Variants in MCM10 observed in about 807,000 individuals in gnomAD.
MCM10 encodes minichromosome maintenance 10 replication initiation factor.
In MCM10, 91 loss-of-function variants were observed where a neutral mutation model predicts 109.9. The observed-to-expected ratio is 0.83, with a 90% CI of 0.70 to 0.99. The LOEUF (loss-of-function observed/expected upper bound fraction) is 0.99. Ranked by LOEUF, MCM10 falls within the 50% of genes least tolerant of loss-of-function variation. The pLI, the probability that MCM10 is intolerant of heterozygous loss-of-function variation, is 0.00. For synonymous variants in MCM10, 380 were observed against 387.2 expected (o/e 0.98, Z 0.22); for missense variants, 1,077 against 1,061.2 (o/e 1.01, Z -0.21).
In MCM10 at chr10:13,171,148, T is replaced by C. The variant is rs1383926292; in HGVS notation, c.234T>C (p.Phe78=). Residue 78 remains phenylalanine, a synonymous_variant, in exon 3 of 20, where the codon TTT becomes TTC. Coordinates refer to ENST00000378714, the MANE Select transcript of MCM10 (RefSeq NM_018518.5). ...RDEKENLATL[F]GDMEDLTDEE... is the part of the protein sequence containing the mutation. ...AAAAGGAAAATCTGGCCACTCTCTT[T>C]GGAGATATGGAGGACTTAACAGATG... The C allele has an allele frequency of 6.2e-7, 1 of 1,614,202 alleles. No individual in the cohort carries two copies.
chr10:13,183,227 C>T (rs1417183632), intron 8 of MCM10, 127 bp downstream of exon 8: 8 of 1,021,272 alleles, frequency 7.8e-6, no homozygotes, highest in East Asian at 2.5e-5. Flanking sequence ...GAGGCCAAAG[C>T]GGGAGGATCA....
chr10:13,170,901 C>G, intron 2 of MCM10, 21 bp from the exon 3 acceptor site: 1 of 1,599,536 alleles, frequency 6.3e-7, no homozygotes, highest in Non-Finnish European at 8.6e-7. Context: ...ATTCTCTGTC[C>G]TTTCTCTTCT....
chr10:13,201,425 A>G lies in MCM10; in HGVS notation c.2243A>G (p.Glu748Gly). Residue 748 changes from glutamate (E) to glycine (G), a missense_variant, in exon 17 of 20, where the codon GAG (glutamate) becomes GGG (glycine). Coordinates refer to ENST00000378714, the MANE Select transcript of MCM10 (RefSeq NM_018518.5). ...SKHTGILKEA[E>G]AEMQERYFEP... is the part of the protein sequence containing the mutation. Reference sequence around the variant, plus strand: ...CATTATGCCCTGTCATTCCAGGCCGAGGCTGAGATGCAGGAGCGCTACTTT... The same window carrying G: ...CATTATGCCCTGTCATTCCAGGCCGGGGCTGAGATGCAGGAGCGCTACTTT... 1 of 1,610,220 alleles carries G rather than the reference A, an allele frequency of 6.2e-7. No individual in the cohort carries two copies. The highest frequency in any genetic ancestry group is 8.5e-7 in the Non-Finnish European group (1 of 1,177,472).
chr10:13,187,139 C>A (rs1450501122), intron 9 of MCM10, among the ~76,000 whole-genome samples: 2 of 152,218 alleles, frequency 1.3e-5, no homozygotes, highest in Non-Finnish European at 2.9e-5. Context: ...ACTCCCCAGT[C>A]TCCTCTCCCC....
rs1202012933 is a variant in MCM10, at chr10:13,209,138, G to A, written c.2541+5G>A. On this transcript the variant is annotated splice_donor_5th_base_variant and intron_variant, in intron 19 of 19. Transcript: ENST00000378714. The stretch of plus-strand genomic sequence containing the variant: ...GAACGGGACGGAATGCTAAAGGTAT[G>A]CCATTTGCGTACTAATTTTTGACTC... The A allele has an allele frequency of 6.2e-7, 1 of 1,610,558 alleles. No homozygotes were observed. Among genetic ancestry groups the A allele is most frequent in the Non-Finnish European group, 8.5e-7 (1 of 1,176,696 alleles).
intron 7 of MCM10, among the ~76,000 whole-genome samples, chr10:13,181,602 T>C (rs1275395619): frequency 2.6e-5 from 4 of 152,112 alleles, no homozygotes; most frequent in Non-Finnish European, 5.9e-5. Context: ...GATGGGTTAG[T>C]AGGTGCAGCA....
At chr10:13,203,098 G>A (rs1834521738) in intron 17 of MCM10, among the ~76,000 whole-genome samples, 2 of 152,098 alleles carry the variant, frequency 1.3e-5, no homozygotes, top group Admixed American at 1.3e-4. Context: ...GCCTGCCTTG[G>A]CCTCCCAAAG....
At position 13,172,956 on chromosome 10, in the gene MCM10, ATCCT is replaced by A. The variant is rs2131560082; in HGVS notation, c.592+193_592+196del. Among the ~76,000 whole-genome samples the A allele has an allele frequency of 1.3e-5, 2 of 152,250 alleles. 1 individual carries two copies. Among genetic ancestry groups the A allele is most frequent in the South Asian group, 4.1e-4 (2 of 4,828 alleles). On this transcript the variant is annotated intron_variant, in intron 5 of 19. Transcript: ENST00000378714. This position sits in a 1 kb window ranked among gnomAD's most constrained non-coding sequence, Gnocchi z 5.2. ...GTCTACATCTCAAAGTGCCTAGAAA[ATCCT>A]TAGGGCCAAGGCACGCGGCAGGAAG...
rs1158407194 is a variant in MCM10 at position 13,198,887 on chromosome 10, GTGT to G, written c.2238+85_2238+87del. 3.0e-4 allele frequency: 268 copies of G among 904,732 alleles called. 1 individual carries two copies. The South Asian group carries it at 3.1e-3, about 11-fold the overall frequency. 56.0% of individuals were successfully genotyped at this position (904,732 alleles called of 1,614,324 possible). A position where few individuals can be genotyped will look rare whatever the true frequency, so the allele number is the denominator to read the frequency against. On this transcript the variant is annotated intron_variant, in intron 16 of 19. Coordinates refer to ENST00000378714, the MANE Select transcript of MCM10 (RefSeq NM_018518.5). ...AGGTGCTAGCTGTAGGACCAAGAAT[GTGT>G]TGTTTGTTTTATTTTGTTTTTCTGA... is the stretch of plus-strand genomic sequence containing the variant.
rs1190529708 is a variant in MCM10, at chr10:13,172,174, G to A, written c.350-202G>A. Among the ~76,000 whole-genome samples the A allele has an allele frequency of 2.0e-5, 3 of 152,012 alleles. No individual in the cohort carries two copies. Among genetic ancestry groups the A allele is most frequent in the African/African-American group, 4.8e-5 (2 of 41,364 alleles). ...AACTAGTTTGATTATTGGGTGCTTCGTTTACTTTAAATAAAATATGTATTT... is the reference window on the plus strand; with the variant it reads ...AACTAGTTTGATTATTGGGTGCTTCATTTACTTTAAATAAAATATGTATTT... On this transcript the variant is annotated intron_variant, in intron 3 of 19. Coordinates refer to ENST00000378714, the MANE Select transcript of MCM10 (RefSeq NM_018518.5). The surrounding 1 kb of genome is among the most constrained non-coding windows in gnomAD (Gnocchi z 5.2).
Position 13,180,448 on chromosome 10 carries a change from T to G in MCM10, c.771T>G (p.Pro257=), listed in dbSNP as rs764363046. ...EAFSGLRLRR[P]RVSSTEMNKK... Reference sequence around the variant, plus strand: ...CGCTGGTTTCTTAACCCAGGCGGCCTCGAGTATCCTCCACAGAAATGAACA... The same window carrying G: ...CGCTGGTTTCTTAACCCAGGCGGCCGCGAGTATCCTCCACAGAAATGAACA... The change falls in exon 7 of 20, where the codon CCT becomes CCG. Residue 257 remains proline, a synonymous_variant. Coordinates refer to ENST00000378714, the MANE Select transcript of MCM10 (RefSeq NM_018518.5). 22 of 1,608,746 alleles carry G rather than the reference T, an allele frequency of 1.4e-5. No individual in the cohort carries two copies. Among genetic ancestry groups the G allele is most frequent in the Non-Finnish European group, 5.9e-6 (7 of 1,178,008 alleles).
At chr10:13,193,260 G>T (rs965335882) in intron 13 of MCM10, among the ~76,000 whole-genome samples, 3 of 151,504 alleles carry the variant, frequency 2.0e-5, no homozygotes, top group African/African-American at 7.3e-5. Flanking sequence ...CATTTTAGAG[G>T]CAAAAGCAAG....
Position 13,197,558 on chromosome 10 carries a change from C to G in MCM10, c.1975-65C>G, listed in dbSNP as rs933936972. 26 of 1,461,922 alleles carry G rather than the reference C, an allele frequency of 1.8e-5. No homozygotes were observed. In the Admixed American group the frequency reaches 3.6e-4, roughly 20 times the overall value. 90.6% of individuals were successfully genotyped at this position (1,461,922 alleles called of 1,614,324 possible). A position where few individuals can be genotyped will look rare whatever the true frequency, so the allele number is the denominator to read the frequency against. ...CACTGGTTACTAATAAAAAAGGGAT[C>G]CAGGTCTATAAGTGCCTCTGTCATC... On this transcript the variant is annotated intron_variant, in intron 14 of 19. Coordinates refer to ENST00000378714, the MANE Select transcript of MCM10 (RefSeq NM_018518.5).
intron 2 of MCM10, among the ~76,000 whole-genome samples, chr10:13,166,860 A>G (rs1834008396): frequency 6.6e-6 from 1 of 151,788 alleles, no homozygotes; most frequent in African/African-American, 2.4e-5. Context: ...AGACTGAGGC[A>G]GGGTCTTGTT....
chr10:13,173,789 G>A (rs1320567978), intron 5 of MCM10, among the ~76,000 whole-genome samples: 2 of 152,130 alleles, frequency 1.3e-5, no homozygotes, highest in Admixed American at 1.3e-4. Flanking sequence ...ATTAGGTAAT[G>A]TCCAAAGTTT....
chr10:13,174,723 TACA>T (rs1251628769), intron 5 of MCM10, among the ~76,000 whole-genome samples: 1 of 152,200 alleles, frequency 6.6e-6, no homozygotes, highest in African/African-American at 2.4e-5. Flanking sequence ...AGCACCAATG[TACA>T]ACATTATTAT....
chr10:13,204,413 CTT>C, intron 18 of MCM10, 49 bp downstream of exon 18: 1 of 1,602,936 alleles, frequency 6.2e-7, no homozygotes, highest in Middle Eastern at 1.7e-4. Flanking sequence ...ATTTTCATCT[CTT>C]TTTCCAGAGT....
At chr10:13,168,780 T>C (rs939875241) in intron 2 of MCM10, among the ~76,000 whole-genome samples, 13 of 152,316 alleles carry the variant, frequency 8.5e-5, no homozygotes, top group Admixed American at 4.6e-4. Flanking sequence ...CAGATATTGA[T>C]GAGGTGGTGG....
intron 2 of MCM10, among the ~76,000 whole-genome samples, chr10:13,165,324 G>A (rs1044288397): frequency 6.6e-6 from 1 of 152,192 alleles, no homozygotes; most frequent in African/African-American, 2.4e-5. Flanking sequence ...CTCAACCACA[G>A]TGACCATGGA....
Sources: gnomAD v4.1 joint callset for allele counts (sites outside exome capture counted in the v4.1 genomes callset) on GRCh38, gnomAD v4.1.1 for gene constraint, Gnocchi (gnomAD v3.1) non-coding constraint, MANE v1.5 for transcripts, NCBI Gene and HGNC (gene_info 2026-07-23, HGNC 2026-07-21) for gene names.